Variants in EYS observed in about 807,000 individuals in gnomAD.
EYS encodes the protein EGF-like photoreceptor maintenance factor, also known as protein eyes shut homolog.
A neutral mutation model predicts 282.1 loss-of-function variants in EYS; 250 were observed. That is an observed-to-expected ratio of 0.89 (90% CI 0.80 to 0.98). EYS has a LOEUF of 0.98. Among genes scored for constraint, EYS ranks in the 50% least tolerant of loss-of-function variants. The probability of loss-of-function intolerance (pLI) is 0.00; values close to 1 mark genes in which losing one functional copy is unlikely to be tolerated. For missense variants in EYS, 4,016 were observed against 3,709.0 expected (o/e 1.08, Z -2.15); for synonymous variants, 1,355 against 1,282.9 (o/e 1.06, Z -1.20).
At chr6:65,634,940 CCT>C (rs1444345325) in intron 2 of EYS, among the ~76,000 whole-genome samples, 2 of 152,146 alleles carry the variant, frequency 1.3e-5, no homozygotes, top group African/African-American at 4.8e-5. Flanking sequence ...TATAGAAATG[CCT>C]CTTATTAAAA....
chr6:64,600,229 T>C (rs1426628316), intron 24 of EYS, among the ~76,000 whole-genome samples: 2 of 125,918 alleles, frequency 1.6e-5, no homozygotes, highest in Non-Finnish European at 3.4e-5. Context: ...TCAGCTCTCT[T>C]TTTTTTCAAC....
At position 63,851,943 on chromosome 6, in the gene EYS, G is replaced by A. The variant is rs376178507; in HGVS notation, c.7228+12243C>T. ...GAGGCCGAGGCGGGCAGATCACGAG[G>A]TCAGGAGATCGAGACCATCCCGGCT... On this transcript the variant is annotated intron_variant, in intron 36 of 42. Coordinates refer to ENST00000503581, the MANE Select transcript of EYS (RefSeq NM_001142800.2). Among the ~76,000 whole-genome samples, 344 of 152,128 alleles carry A rather than the reference G, an allele frequency of 2.3e-3. 2 individuals are homozygous for A. Among genetic ancestry groups the A allele is most frequent in the African/African-American group, 8.0e-3 (334 of 41,518 alleles).
intron 29 of EYS, among the ~76,000 whole-genome samples, chr6:64,348,036 T>A (rs1241800807): frequency 6.6e-6 from 1 of 151,456 alleles, no homozygotes; most frequent in Non-Finnish European, 1.5e-5. Context: ...GTTTATATTT[T>A]AATATTTAAA....
chr6:64,023,464 G>A (rs188516014), intron 33 of EYS, among the ~76,000 whole-genome samples: 236 of 152,310 alleles, frequency 1.5e-3, no homozygotes, highest in African/African-American at 5.2e-3. Flanking sequence ...CGCTGTACAT[G>A]GTAAAATGTA....
chr6:65,600,523 G>A (rs1289912801), intron 2 of EYS, among the ~76,000 whole-genome samples: 1 of 151,712 alleles, frequency 6.6e-6, no homozygotes, highest in Non-Finnish European at 1.5e-5. Flanking sequence ...TTATTCTCAA[G>A]CAAATGAAAG....
At chr6:63,970,397 A>T (rs1281541807) in intron 35 of EYS, among the ~76,000 whole-genome samples, 1 of 152,110 alleles carries the variant, frequency 6.6e-6, no homozygotes. Context: ...GCACTTTGGG[A>T]GGCCGAGGTG....
chr6:63,784,819 G>A (rs1224286204), intron 39 of EYS, among the ~76,000 whole-genome samples: 1 of 152,136 alleles, frequency 6.6e-6, no homozygotes, highest in Non-Finnish European at 1.5e-5. Context: ...TTCTAGAGTT[G>A]ACAGGGTGTC....
chr6:64,318,661 G>A (rs1001846839), intron 29 of EYS, among the ~76,000 whole-genome samples: 4 of 151,384 alleles, frequency 2.6e-5, no homozygotes, highest in African/African-American at 7.3e-5. Flanking sequence ...AATTTTTTTG[G>A]AGTTGAAATG....
chr6:65,538,998 T>C (rs1768063019), intron 2 of EYS, among the ~76,000 whole-genome samples: 1 of 152,196 alleles, frequency 6.6e-6, no homozygotes. Flanking sequence ...TGGAAATTAA[T>C]AAAAAGAAAT....
intron 1 of EYS, 21 bp from the exon 2 acceptor site, chr6:65,639,913 A>T (rs1767220128): frequency 1.3e-5 from 2 of 152,156 alleles, no homozygotes; most frequent in Non-Finnish European, 2.9e-5. Context: ...AGAAATAAGA[A>T]AAATTATTTT....
intron 22 of EYS, among the ~76,000 whole-genome samples, chr6:64,745,722 G>A (rs907963568): frequency 6.6e-6 from 1 of 152,110 alleles, no homozygotes; most frequent in Admixed American, 6.6e-5. Context: ...TCCAGAAGGG[G>A]AAAATTTCTT....
chr6:64,223,175 A>AT (rs1432955713), intron 31 of EYS, among the ~76,000 whole-genome samples: 2 of 151,852 alleles, frequency 1.3e-5, no homozygotes, highest in Non-Finnish European at 2.9e-5. Flanking sequence ...CTGAATACCA[A>AT]TTTTTTTCTC....
At chr6:64,661,274 C>T (rs1339996961) in intron 22 of EYS, among the ~76,000 whole-genome samples, 2 of 152,020 alleles carry the variant, frequency 1.3e-5, no homozygotes, top group African/African-American at 4.8e-5. Flanking sequence ...GACCTGAAAC[C>T]ATAAAAACCC....
At chr6:64,661,146 C>T (rs1270858438) in intron 22 of EYS, among the ~76,000 whole-genome samples, 1 of 152,114 alleles carries the variant, frequency 6.6e-6, no homozygotes, top group African/African-American at 2.4e-5. Flanking sequence ...AAACGATTCC[C>T]TATTTAATAA....
In EYS at chr6:65,136,567, T is replaced by C. The variant is rs549701063; in HGVS notation, c.2024-78840A>G. ...GATAGACTATTTACTAACATAACAATTAAAAACAAATTACAAACTGAATTT... is the reference window on the plus strand; with the variant it reads ...GATAGACTATTTACTAACATAACAACTAAAAACAAATTACAAACTGAATTT... On this transcript the variant is annotated intron_variant, in intron 12 of 42. Transcript: ENST00000503581. Among the ~76,000 whole-genome samples, 56 of 152,084 alleles carry C rather than the reference T, an allele frequency of 3.7e-4. 1 individual carries two copies. In the South Asian group the frequency reaches 0.011, roughly 30 times the overall value.
chr6:65,308,119 G>A (rs1400086164), intron 11 of EYS, among the ~76,000 whole-genome samples: 1 of 55,490 alleles, frequency 1.8e-5, no homozygotes, highest in African/African-American at 7.1e-5. Flanking sequence ...ACAGACTACA[G>A]GCACATCCCA....
intron 5 of EYS, among the ~76,000 whole-genome samples, chr6:65,431,344 T>C (rs1357533584): frequency 6.6e-6 from 1 of 152,174 alleles, no homozygotes; most frequent in African/African-American, 2.4e-5. Context: ...TGTCTCTTTG[T>C]CACATACTTC....
chr6:65,141,649 G>GTCTATCTATCTA (rs66790325), intron 12 of EYS, among the ~76,000 whole-genome samples: 18 of 131,326 alleles, frequency 1.4e-4, no homozygotes, highest in African/African-American at 4.9e-4. Flanking sequence ...CTGTCTGTCT[G>GTCTATCTATCTA]TCTATCTATC....
chr6:64,926,299 T>C (rs904917848), intron 15 of EYS, among the ~76,000 whole-genome samples: 2 of 152,172 alleles, frequency 1.3e-5, no homozygotes, highest in Non-Finnish European at 2.9e-5. Flanking sequence ...ATCTCTGACC[T>C]GAGACTCTCC....
Sources: gnomAD v4.1 joint callset for allele counts (sites outside exome capture counted in the v4.1 genomes callset) on GRCh38, gnomAD v4.1.1 for gene constraint, MANE v1.5 for transcripts, NCBI Gene and HGNC (gene_info 2026-07-23, HGNC 2026-07-21) for gene names.